The following TXNRD2 variants were observed in gnomAD, a reference collection of about 807,000 sequenced individuals.
The protein encoded by TXNRD2 is thioredoxin reductase 2.
In TXNRD2, 67 loss-of-function variants were observed where a neutral mutation model predicts 70.8. That is an observed-to-expected ratio of 0.95 (90% CI 0.78 to 1.16). TXNRD2 has a LOEUF of 1.16. Ranked by LOEUF, TXNRD2 falls within the 50% of genes most tolerant of loss-of-function variation. The pLI, the probability that TXNRD2 is intolerant of heterozygous loss-of-function variation, is 0.00. For missense variants in TXNRD2, 644 were observed against 719.9 expected (o/e 0.89, Z 1.21); for synonymous variants, 301 against 295.8 (o/e 1.02, Z -0.18).
chr22:19,897,981 G>A, intron 10 of TXNRD2, 58 bp downstream of exon 10: 1 of 1,415,070 alleles, frequency 7.1e-7, no homozygotes, highest in South Asian at 1.2e-5. Context: ...CCTGGGAGGG[G>A]GCTGTGGGAG....
intron 8 of TXNRD2, among the ~76,000 whole-genome samples, chr22:19,900,749 CAAA>C (rs35153715): frequency 2.8e-5 from 4 of 141,564 alleles, no homozygotes; most frequent in Non-Finnish European, 6.3e-5. Context: ...GACTCCATCA[CAAA>C]AAAAAAAAAA....
intron 12 of TXNRD2, among the ~76,000 whole-genome samples, chr22:19,882,950 G>C (rs1381627168): frequency 3.3e-5 from 5 of 152,258 alleles, no homozygotes; most frequent in African/African-American, 1.2e-4. Context: ...TCTCAACCCT[G>C]TGGGGACAGG....
At chr22:19,899,470 C>G (rs1939674343) in intron 8 of TXNRD2, among the ~76,000 whole-genome samples, 1 of 152,232 alleles carries the variant, frequency 6.6e-6, no homozygotes, top group Non-Finnish European at 1.5e-5. Flanking sequence ...ATCATCTGAG[C>G]AAAGCACTCT....
Position 19,895,319 on chromosome 22 carries a change from C to T in TXNRD2, c.949+88G>A, listed in dbSNP as rs1349317355. 2.5e-6 allele frequency: 4 copies of T among 1,601,462 alleles called. No individual in the cohort carries two copies. In the African/African-American group the frequency reaches 4.0e-5, roughly 16 times the overall value. ...CCTGGCAGCCAGCAGGATGGGGGAG[C>T]CCTGGGAGGTGACAGGAAGTGGGGC... is the stretch of plus-strand genomic sequence containing the variant. On this transcript the variant is annotated intron_variant, in intron 11 of 17. Coordinates refer to ENST00000400521, the MANE Select transcript of TXNRD2 (RefSeq NM_006440.5).
At chr22:19,941,220 G>T (rs149256659) in intron 1 of TXNRD2, among the ~76,000 whole-genome samples, 1 of 152,290 alleles carries the variant, frequency 6.6e-6, no homozygotes, top group Non-Finnish European at 1.5e-5. Flanking sequence ...TCTGCTTCGA[G>T]TGCTCAGTTA....
intron 11 of TXNRD2, among the ~76,000 whole-genome samples, chr22:19,889,384 G>C (rs964405673): frequency 2.0e-4 from 31 of 152,094 alleles, no homozygotes; most frequent in Non-Finnish European, 4.0e-4. Flanking sequence ...AGGCTGAGGC[G>C]GGCGGATCAT....
chr22:19,880,306 G>A lies in TXNRD2; in HGVS notation c.1183-35C>T, dbSNP rs1308640404. On this transcript the variant is annotated intron_variant, in intron 13 of 17. Transcript: ENST00000400521. ...GGTCTGGAGTCAGGGAGGGCCCTTG[G>A]GCCCCGAAAACCGAAGTTCCCCACT... 1.9e-6 allele frequency: 3 copies of A among 1,607,696 alleles called. No homozygotes were observed. The East Asian group carries it at 6.7e-5, about 36-fold the overall frequency.
intron 1 of TXNRD2, among the ~76,000 whole-genome samples, chr22:19,938,711 G>T (rs2146111233): frequency 6.6e-6 from 1 of 152,212 alleles, no homozygotes; most frequent in African/African-American, 2.4e-5. Context: ...ACAAATTGGG[G>T]CTGAAATTAA....
chr22:19,907,208 A>G (rs1362543563), intron 8 of TXNRD2, among the ~76,000 whole-genome samples: 2 of 61,388 alleles, frequency 3.3e-5, no homozygotes, highest in Non-Finnish European at 6.1e-5. Context: ...CTCTCAGGAG[A>G]GTGTGGGCGC....
intron 1 of TXNRD2, among the ~76,000 whole-genome samples, chr22:19,936,961 C>T (rs9618719): frequency 0.037 from 5,595 of 152,210 alleles, 359 homozygotes; most frequent in African/African-American, 0.13. Flanking sequence ...TGTCGATATA[C>T]GCCGCTCAAT....
intron 14 of TXNRD2, among the ~76,000 whole-genome samples, chr22:19,879,479 C>A (rs1190052949): frequency 6.6e-6 from 1 of 151,748 alleles, no homozygotes; most frequent in African/African-American, 2.4e-5. Flanking sequence ...CGATGAAAAC[C>A]CCTTTCCTCA....
intron 12 of TXNRD2, among the ~76,000 whole-genome samples, chr22:19,882,785 G>T (rs757242300): frequency 6.6e-6 from 1 of 152,226 alleles, no homozygotes; most frequent in Non-Finnish European, 1.5e-5. Flanking sequence ...GGGCTCCAGA[G>T]CCCCCACCCA....
At chr22:19,927,560 G>A (rs534823021) in intron 2 of TXNRD2, among the ~76,000 whole-genome samples, 1 of 150,738 alleles carries the variant, frequency 6.6e-6, no homozygotes, top group African/African-American at 2.4e-5. Flanking sequence ...AGGCTGAGGT[G>A]GGAAAATCGC....
At chr22:19,880,122 AT>A (rs1188885638) in intron 14 of TXNRD2, 56 bp downstream of exon 14, 8 of 1,569,440 alleles carry the variant, frequency 5.1e-6, no homozygotes, top group Non-Finnish European at 7.0e-6. Context: ...CGCCCAGAGC[AT>A]GGGGTGAGGT....
Position 19,877,141 on chromosome 22 carries a change from T to A in TXNRD2, c.1539A>T (p.Ser513=). ...EVVKLRISKR[S]GLDPTVTGCU... Reference sequence around the variant, plus strand: ...AGCCTGTCACCGTGGGGTCCAGGCCTGAGCGCTTGGAGATGCGCAGCTTGA... The same window carrying A: ...AGCCTGTCACCGTGGGGTCCAGGCCAGAGCGCTTGGAGATGCGCAGCTTGA... The change falls in exon 17 of 18, where the codon TCA becomes TCT. Residue 513 remains serine (S), a synonymous_variant. Coordinates refer to ENST00000400521, the MANE Select transcript of TXNRD2 (RefSeq NM_006440.5). The A allele has an allele frequency of 6.2e-7, 1 of 1,608,574 alleles. No individual in the cohort carries two copies. The highest frequency in any genetic ancestry group is 1.1e-5 in the South Asian group (1 of 90,966).
intron 8 of TXNRD2, among the ~76,000 whole-genome samples, chr22:19,909,938 A>ACC (rs1258097622): frequency 5.1e-4 from 63 of 123,876 alleles, no homozygotes; most frequent in Admixed American, 4.2e-3. Context: ...CACACCACTC[A>ACC]CACACCACAC....
intron 5 of TXNRD2, chr22:19,916,192 C>A (rs1940631666): frequency 5.8e-6 from 2 of 342,922 alleles, no homozygotes; most frequent in Non-Finnish European, 1.1e-5. Context: ...CATGTTCCAG[C>A]AGGGAGCTGT....
Position 19,883,384 on chromosome 22 carries a change from C to T in TXNRD2, c.1027G>A (p.Val343Met), listed in dbSNP as rs1481789776. The T allele has an allele frequency of 3.1e-6, 5 of 1,613,956 alleles. No homozygotes were observed. The highest frequency in any genetic ancestry group is 4.5e-5 in the East Asian group (2 of 44,894). The change falls in exon 12 of 18, where the codon GTG becomes ATG. Residue 343 changes from valine to methionine, a missense_variant. Physicochemically the swap from Val to Met is conservative, Grantham distance 21 (BLOSUM62 1). This residue lies in a region of TXNRD2 where 566 missense variants were observed against 645.0 expected (regional missense o/e 0.88). Transcript: ENST00000400521. ...ACAGAGGTGGCTTCCCGGGAGTCCACCAGGATCTTCTGAGTGTCGGGGCTA... is the reference window on the plus strand; with the variant it reads ...ACAGAGGTGGCTTCCCGGGAGTCCATCAGGATCTTCTGAGTGTCGGGGCTA... ...DTSPDTQKIL[V>M]DSREATSVPH...
intron 1 of TXNRD2, among the ~76,000 whole-genome samples, chr22:19,932,979 G>C (rs1382277738): frequency 6.6e-6 from 1 of 152,230 alleles, no homozygotes; most frequent in East Asian, 1.9e-4. Context: ...CCCACAGACA[G>C]GTCTAGAACA....
Sources: gnomAD v4.1 joint callset for allele counts (sites outside exome capture counted in the v4.1 genomes callset) on GRCh38, gnomAD v4.1.1 for gene constraint, gnomAD v4.1.1 regional missense constraint, MANE v1.5 for transcripts, NCBI Gene and HGNC (gene_info 2026-07-23, HGNC 2026-07-21) for gene names.